Variants in NMNAT2 observed in about 807,000 individuals in gnomAD.
NMNAT2 encodes nicotinamide nucleotide adenylyltransferase 2.
In NMNAT2, 11 loss-of-function variants were observed where a neutral mutation model predicts 41.6. That is an observed-to-expected ratio of 0.26 (90% CI 0.17 to 0.44). The LOEUF is 0.44. Ranked by LOEUF, NMNAT2 falls within the 20% of genes least tolerant of loss-of-function variation. The pLI, the probability that NMNAT2 is intolerant of heterozygous loss-of-function variation, is 1.00. For missense variants in NMNAT2, 288 were observed against 407.7 expected (o/e 0.71, Z 2.53); for synonymous variants, 148 against 151.2 (o/e 0.98, Z 0.16).
intron 8 of NMNAT2, among the ~76,000 whole-genome samples, chr1:183,275,486 T>C (rs1331072253): frequency 2.0e-5 from 3 of 151,678 alleles, no homozygotes; most frequent in Non-Finnish European, 2.9e-5. Flanking sequence ...GGGAGTCTGC[T>C]TCACCCAAAT....
chr1:183,412,008 AG>A (rs1262616530), intron 1 of NMNAT2, among the ~76,000 whole-genome samples: 1 of 152,198 alleles, frequency 6.6e-6, no homozygotes, highest in African/African-American at 2.4e-5. Context: ...CTAAGGCCAA[AG>A]CAAAGATGTT....
At chr1:183,352,389 C>T (rs1378966238) in intron 1 of NMNAT2, among the ~76,000 whole-genome samples, 1 of 151,744 alleles carries the variant, frequency 6.6e-6, no homozygotes, top group African/African-American at 2.4e-5. Flanking sequence ...CATGGTGAAA[C>T]CCATCTCTAC....
At chr1:183,368,823 A>C (rs1663468947) in intron 1 of NMNAT2, among the ~76,000 whole-genome samples, 1 of 152,222 alleles carries the variant, frequency 6.6e-6, no homozygotes, top group African/African-American at 2.4e-5. Context: ...GTTCTTGCTT[A>C]ATCATCAAAT....
chr1:183,324,109 T>C (rs1387061370), intron 1 of NMNAT2, among the ~76,000 whole-genome samples: 2 of 152,010 alleles, frequency 1.3e-5, no homozygotes, highest in Admixed American at 6.6e-5. Context: ...TGAAGGCAGA[T>C]ATAGGAAGGG....
At chr1:183,274,790 GAC>G (rs1007994564) in intron 8 of NMNAT2, among the ~76,000 whole-genome samples, 23 of 150,668 alleles carry the variant, frequency 1.5e-4, no homozygotes, top group African/African-American at 4.9e-4. Context: ...AGAAAAAAAA[GAC>G]ATTTCATTAG....
intron 1 of NMNAT2, among the ~76,000 whole-genome samples, chr1:183,323,611 T>C (rs1662400650): frequency 1.3e-5 from 2 of 152,166 alleles, no homozygotes; most frequent in African/African-American, 4.8e-5. Flanking sequence ...TGGGCCCCAC[T>C]ACCCTCTGCA....
intron 1 of NMNAT2, among the ~76,000 whole-genome samples, chr1:183,361,359 C>G (rs1663304347): frequency 6.6e-6 from 1 of 152,186 alleles, no homozygotes; most frequent in African/African-American, 2.4e-5. Flanking sequence ...TCAGACAAAT[C>G]TGAAATCTGG....
intron 7 of NMNAT2, among the ~76,000 whole-genome samples, chr1:183,280,746 T>G (rs986120187): frequency 1.3e-4 from 19 of 151,890 alleles, no homozygotes; most frequent in Admixed American, 9.8e-4. Flanking sequence ...TCTTTTTTTT[T>G]GCTCATCAGC....
At chr1:183,409,896 G>T (rs1361552217) in intron 1 of NMNAT2, among the ~76,000 whole-genome samples, 1 of 152,144 alleles carries the variant, frequency 6.6e-6, no homozygotes, top group Non-Finnish European at 1.5e-5. Context: ...TATCAGGGGG[G>T]TGAATTTTTT....
intron 1 of NMNAT2, among the ~76,000 whole-genome samples, chr1:183,313,252 T>G (rs1662166909): frequency 6.6e-6 from 1 of 152,194 alleles, no homozygotes; most frequent in Non-Finnish European, 1.5e-5. Context: ...ACCTGAAGAA[T>G]CCAGCATGCC....
chr1:183,271,561 T>C (rs1356575430), intron 8 of NMNAT2, among the ~76,000 whole-genome samples: 3 of 152,264 alleles, frequency 2.0e-5, no homozygotes, highest in African/African-American at 4.8e-5. Flanking sequence ...GAATGTTTAC[T>C]AGGTTCAGGA....
At chr1:183,335,313 T>C (rs1279708907) in intron 1 of NMNAT2, among the ~76,000 whole-genome samples, 1 of 152,198 alleles carries the variant, frequency 6.6e-6, no homozygotes, top group Admixed American at 6.5e-5. Flanking sequence ...ACTCTATACC[T>C]CTGCACAAAT....
At chr1:183,353,223 G>T (rs1031406138) in intron 1 of NMNAT2, among the ~76,000 whole-genome samples, 1 of 152,006 alleles carries the variant, frequency 6.6e-6, no homozygotes, top group African/African-American at 2.4e-5. Context: ...GGCCAGGCTG[G>T]TCTTGAACTC....
chr1:183,261,138 C>G (rs1660646970), intron 9 of NMNAT2, 64 bp downstream of exon 9: 1 of 1,601,740 alleles, frequency 6.2e-7, no homozygotes, highest in Admixed American at 1.7e-5. Context: ...TCTCACTCCT[C>G]CAGCTGCCAG....
intron 8 of NMNAT2, among the ~76,000 whole-genome samples, chr1:183,269,977 G>A (rs1350790570): frequency 2.6e-5 from 4 of 152,052 alleles, no homozygotes; most frequent in East Asian, 1.9e-4. Context: ...TCCGCCTCCC[G>A]GGTTCACGCC....
chr1:183,276,706 G>A (rs1368318120), intron 8 of NMNAT2, among the ~76,000 whole-genome samples: 1 of 152,222 alleles, frequency 6.6e-6, no homozygotes, highest in Non-Finnish European at 1.5e-5. Context: ...ATAAAATGGG[G>A]CCTCCGGCAA....
chr1:183,266,095 GTTGGCCT>G (rs540986622), intron 8 of NMNAT2, among the ~76,000 whole-genome samples: 118 of 152,288 alleles, frequency 7.7e-4, no homozygotes, highest in Middle Eastern at 6.8e-3. Context: ...CTCTGGAGTT[GTTGGCCT>G]TGCCAACAAC....
At chr1:183,252,912 GGTGACA>G (rs998996503) in intron 10 of NMNAT2, among the ~76,000 whole-genome samples, 169 bp from the exon 11 acceptor site, 1 of 152,162 alleles carries the variant, frequency 6.6e-6, no homozygotes, top group Non-Finnish European at 1.5e-5. Context: ...TCCCCACCTT[GGTGACA>G]TCATTCATCG....
intron 7 of NMNAT2, among the ~76,000 whole-genome samples, chr1:183,282,007 G>A (rs753263694): frequency 2.5e-4 from 38 of 152,158 alleles, no homozygotes; most frequent in Non-Finnish European, 4.6e-4. Context: ...CCAGGAATCC[G>A]GGCTATGTGA....
Sources: allele counts gnomAD v4.1 joint callset (sites outside exome capture counted in the v4.1 genomes callset), GRCh38; gene constraint gnomAD v4.1.1; transcripts MANE v1.5; gene names NCBI Gene and HGNC (gene_info 2026-07-23, HGNC 2026-07-21).